LRMDA: variants seen among roughly 807,000 people sequenced by gnomAD.
The protein encoded by LRMDA is leucine rich melanocyte differentiation associated.
In LRMDA, 18 loss-of-function variants were observed where a neutral mutation model predicts 29.8. The ratio of observed to expected loss-of-function variants is 0.60; its 90% CI spans 0.42 to 0.90. The LOEUF is 0.90. Ranked by LOEUF, LRMDA falls within the 40% of genes least tolerant of loss-of-function variation. The pLI, the probability that LRMDA is intolerant of heterozygous loss-of-function variation, is 0.00. For missense variants in LRMDA, 273 were observed against 273.9 expected (o/e 1.00, Z 0.02); for synonymous variants, 125 against 109.4 (o/e 1.14, Z -0.89).
At chr10:75,552,435 C>A in intron 2 of LRMDA, 1 of 282,530 alleles carries the variant, frequency 3.5e-6, no homozygotes, top group Non-Finnish European at 7.8e-6. Flanking sequence ...TCCCCCCCCT[C>A]TGGCTGCTTT....
chr10:75,694,929 A>T (rs1358675440), intron 2 of LRMDA, among the ~76,000 whole-genome samples: 1 of 152,216 alleles, frequency 6.6e-6, no homozygotes, highest in Non-Finnish European at 1.5e-5. Context: ...TACCAATGAC[A>T]GTCACTGTCT....
At chr10:75,809,235 G>A (rs760520243) in intron 2 of LRMDA, among the ~76,000 whole-genome samples, 40 of 152,278 alleles carry the variant, frequency 2.6e-4, no homozygotes, top group East Asian at 3.9e-4. Context: ...CACTCTTAGC[G>A]TCAGTGATGG....
chr10:75,595,246 T>G (rs1840771701), intron 2 of LRMDA, among the ~76,000 whole-genome samples: 1 of 152,226 alleles, frequency 6.6e-6, no homozygotes. Context: ...ATGGATTTGC[T>G]GAGTGTGGTT....
chr10:75,679,119 C>T (rs745700263), intron 2 of LRMDA, among the ~76,000 whole-genome samples: 3 of 152,270 alleles, frequency 2.0e-5, no homozygotes, highest in Non-Finnish European at 2.9e-5. Context: ...TTTTAGAAAG[C>T]ACCATTTGAA....
At chr10:76,048,653 G>A (rs1336627522) in intron 4 of LRMDA, among the ~76,000 whole-genome samples, 2 of 152,182 alleles carry the variant, frequency 1.3e-5, no homozygotes, top group Non-Finnish European at 2.9e-5. Flanking sequence ...TTCTGATGCA[G>A]TTGGTGGCAA....
At chr10:76,199,328 G>A (rs1046761651) in intron 5 of LRMDA, among the ~76,000 whole-genome samples, 10 of 152,110 alleles carry the variant, frequency 6.6e-5, no homozygotes, top group Admixed American at 5.2e-4. Context: ...CATATGCCCC[G>A]GTTTAAGGGC....
At chr10:75,717,225 G>C (rs1842512286) in intron 2 of LRMDA, among the ~76,000 whole-genome samples, 1 of 152,192 alleles carries the variant, frequency 6.6e-6, no homozygotes, top group Admixed American at 6.5e-5. Context: ...TCCCCCCCAG[G>C]GGCACGTTGA....
intron 5 of LRMDA, among the ~76,000 whole-genome samples, chr10:76,113,556 G>C (rs951980608): frequency 7.2e-5 from 11 of 152,188 alleles, no homozygotes; most frequent in Middle Eastern, 3.4e-3. Context: ...TCTTCATGCT[G>C]TATTGCTTTT....
chr10:75,730,202 A>T (rs1842679408), intron 2 of LRMDA, among the ~76,000 whole-genome samples: 1 of 152,022 alleles, frequency 6.6e-6, no homozygotes, highest in Non-Finnish European at 1.5e-5. Context: ...AAGCACTGTG[A>T]CCATTCTTGT....
chr10:75,605,691 G>T (rs1840947578), intron 2 of LRMDA, among the ~76,000 whole-genome samples: 1 of 152,228 alleles, frequency 6.6e-6, no homozygotes, highest in Non-Finnish European at 1.5e-5. Flanking sequence ...AAGAAACTGA[G>T]TTGCAGAAAT....
intron 2 of LRMDA, among the ~76,000 whole-genome samples, chr10:75,733,245 C>T (rs1358465621): frequency 1.3e-5 from 2 of 152,200 alleles, no homozygotes; most frequent in Admixed American, 1.3e-4. Context: ...GCACTTAGCA[C>T]AGTGGTGAGC....
intron 2 of LRMDA, among the ~76,000 whole-genome samples, chr10:75,683,264 G>C: frequency 6.6e-6 from 1 of 152,212 alleles, no homozygotes; most frequent in East Asian, 1.9e-4. Context: ...TCTCATGGTA[G>C]GATAAATAGC....
chr10:75,703,731 C>T (rs191533533), intron 2 of LRMDA, among the ~76,000 whole-genome samples: 48 of 152,276 alleles, frequency 3.2e-4, no homozygotes, highest in African/African-American at 1.1e-3. Flanking sequence ...TTTATGACAG[C>T]GAACTCTTTA....
At chr10:76,043,602 C>A (rs1024881655) in intron 3 of LRMDA, among the ~76,000 whole-genome samples, 1 of 151,440 alleles carries the variant, frequency 6.6e-6, no homozygotes, top group Admixed American at 6.6e-5. Flanking sequence ...CAGGGTCTTT[C>A]CCAGGGCCTT....
At chr10:75,619,690 A>G (rs969799393) in intron 2 of LRMDA, among the ~76,000 whole-genome samples, 1 of 152,140 alleles carries the variant, frequency 6.6e-6, no homozygotes, top group Admixed American at 6.5e-5. Flanking sequence ...ACACTGGCTC[A>G]CTGTGAGACA....
At chr10:75,747,738 G>A (rs897885755) in intron 2 of LRMDA, among the ~76,000 whole-genome samples, 1 of 152,118 alleles carries the variant, frequency 6.6e-6, no homozygotes, top group Non-Finnish European at 1.5e-5. Flanking sequence ...TTCATTTTAC[G>A]TGAGAAGAAA....
At chr10:75,941,254 A>C (rs1846386102) in intron 2 of LRMDA, among the ~76,000 whole-genome samples, 4 of 152,206 alleles carry the variant, frequency 2.6e-5, no homozygotes, top group African/African-American at 9.6e-5. Context: ...AGGAAAGGCG[A>C]GTAAGCAAGT....
intron 2 of LRMDA, among the ~76,000 whole-genome samples, chr10:75,737,980 A>C (rs1842786042): frequency 6.6e-6 from 1 of 152,306 alleles, no homozygotes; most frequent in African/African-American, 2.4e-5. Flanking sequence ...TAAGGAGAGA[A>C]GCAATTTCCT....
chr10:76,186,567 T>C (rs1467595442), intron 5 of LRMDA, among the ~76,000 whole-genome samples: 1 of 152,218 alleles, frequency 6.6e-6, no homozygotes, highest in Non-Finnish European at 1.5e-5. Context: ...GCAGCTCTGG[T>C]GGGTTAGGAC....
Sources: gnomAD v4.1 joint callset for allele counts (sites outside exome capture counted in the v4.1 genomes callset) on GRCh38, gnomAD v4.1.1 for gene constraint, MANE v1.5 for transcripts, NCBI Gene and HGNC (gene_info 2026-07-23, HGNC 2026-07-21) for gene names.